The following FRMD3 variants were observed in gnomAD, a reference collection of about 807,000 sequenced individuals.
FRMD3 encodes the protein FERM domain containing 3, also known as FERM domain-containing protein 3.
In FRMD3, 33 loss-of-function variants were observed where a neutral mutation model predicts 70.2. The ratio of observed to expected loss-of-function variants is 0.47; its 90% CI spans 0.36 to 0.63. The LOEUF (loss-of-function observed/expected upper bound fraction) is 0.63. FRMD3 is among the 20% of genes least tolerant of loss of function. The probability of loss-of-function intolerance (pLI) is 0.00; values close to 1 mark genes in which losing one functional copy is unlikely to be tolerated. For synonymous variants in FRMD3, 279 were observed against 255.9 expected, an observed-to-expected ratio of 1.09 and a Z score of -0.86; for missense variants, 632 against 711.4, an observed-to-expected ratio of 0.89 and a Z score of 1.27.
the FRMD3 span, among the ~76,000 whole-genome samples, chr9:83,574,319 G>A: frequency 6.6e-6 from 1 of 152,012 alleles, no homozygotes; most frequent in East Asian, 1.9e-4. Flanking sequence ...ATACAAATGT[G>A]GAGGAAAAAC....
intron 1 of FRMD3, among the ~76,000 whole-genome samples, chr9:83,423,488 C>A (rs185630609): frequency 6.7e-6 from 1 of 150,056 alleles, no homozygotes; most frequent in Non-Finnish European, 1.5e-5. Context: ...CTCCTAGAGT[C>A]TCATATGGTG....
chr9:83,293,778 C>T (rs879533438), intron 12 of FRMD3, among the ~76,000 whole-genome samples: 16 of 152,214 alleles, frequency 1.1e-4, no homozygotes, highest in Admixed American at 2.6e-4. Context: ...GCATATAGGA[C>T]GTGCCTTGTA....
intron 1 of FRMD3, among the ~76,000 whole-genome samples, chr9:83,450,353 T>TG (rs1827613638): frequency 1.4e-5 from 2 of 138,070 alleles, no homozygotes; most frequent in African/African-American, 5.2e-5. Context: ...CTCAGTTTTT[T>TG]TTTTTTTTTT....
chr9:83,424,357 A>G (rs1826740636), intron 1 of FRMD3, among the ~76,000 whole-genome samples: 1 of 152,238 alleles, frequency 6.6e-6, no homozygotes, highest in Non-Finnish European at 1.5e-5. Flanking sequence ...GTGGTTTTCA[A>G]AAATTTCAGG....
rs59365575 is a variant in FRMD3, at chr9:83,422,059, G to C, written c.148-32351C>G. 4.2e-3 allele frequency among the ~76,000 whole-genome samples: 635 copies of C among 151,972 alleles called. 5 individuals carry two copies. The highest frequency in any genetic ancestry group is 7.2e-3 in the Non-Finnish European group (489 of 67,954). On this transcript the variant is annotated intron_variant, in intron 1 of 13. Coordinates refer to ENST00000304195, the MANE Select transcript of FRMD3 (RefSeq NM_174938.6). ...GGCCAACGTGGTGAAACCCCGTCTC[G>C]ACTAAAAATACAAAATTTAGCTGGG...
chr9:83,289,468 A>G (rs912666171), intron 13 of FRMD3, among the ~76,000 whole-genome samples: 3 of 152,186 alleles, frequency 2.0e-5, no homozygotes, highest in Non-Finnish European at 2.9e-5. Flanking sequence ...TTCTCCTTCT[A>G]ACCATCAAAG....
chr9:83,511,873 G>A (rs964114863), intron 1 of FRMD3, among the ~76,000 whole-genome samples: 4 of 152,166 alleles, frequency 2.6e-5, no homozygotes, highest in South Asian at 2.1e-4. Context: ...GTCTGCTCCC[G>A]ACTGTCCAGC....
At chr9:83,296,388 C>A (rs969111795) in intron 12 of FRMD3, among the ~76,000 whole-genome samples, 1 of 152,184 alleles carries the variant, frequency 6.6e-6, no homozygotes, top group Non-Finnish European at 1.5e-5. Flanking sequence ...ATACTCCTAG[C>A]TCATGCATTC....
Position 83,293,704 on chromosome 9 carries a change from C to T in FRMD3, c.1071-2977G>A, listed in dbSNP as rs539360617. Among the ~76,000 whole-genome samples the T allele has an allele frequency of 3.0e-4, 46 of 152,322 alleles. 1 individual carries two copies. In the South Asian group the frequency reaches 9.3e-3, roughly 31 times the overall value. ...TTAGATGGCCAGGAGGATGCCAGCTCGGCCCCTACATTCATAGGCTCCTGT... is the reference window on the plus strand; with the variant it reads ...TTAGATGGCCAGGAGGATGCCAGCTTGGCCCCTACATTCATAGGCTCCTGT... On this transcript the variant is annotated intron_variant, in intron 12 of 13. Coordinates refer to ENST00000304195, the MANE Select transcript of FRMD3 (RefSeq NM_174938.6).
intron 1 of FRMD3, among the ~76,000 whole-genome samples, chr9:83,415,626 T>C (rs1372084073): frequency 6.7e-6 from 1 of 148,748 alleles, no homozygotes; most frequent in Admixed American, 6.7e-5. Context: ...TTTTTTTTTT[T>C]TTTTTTTGGA....
the FRMD3 span, among the ~76,000 whole-genome samples, chr9:83,579,921 T>C: frequency 6.6e-6 from 1 of 152,062 alleles, no homozygotes; most frequent in Non-Finnish European, 1.5e-5. Context: ...AAATAGTGAA[T>C]TTCTCAATAG....
At chr9:83,362,802 T>TCCC (rs1458669711) in intron 3 of FRMD3, among the ~76,000 whole-genome samples, 2 of 101,254 alleles carry the variant, frequency 2.0e-5, no homozygotes, top group African/African-American at 9.7e-5. Context: ...CTTCCTTCCT[T>TCCC]TTTCCTTCCT....
chr9:83,450,246 T>C (rs920539664), intron 1 of FRMD3, among the ~76,000 whole-genome samples: 4 of 151,126 alleles, frequency 2.6e-5, no homozygotes, highest in African/African-American at 9.7e-5. Context: ...CACACACACA[T>C]GCAGTTCCAG....
At chr9:83,568,955 GATACATACATAC>G in the FRMD3 span, among the ~76,000 whole-genome samples, 9,795 of 130,690 alleles carry the variant, frequency 0.075, 409 homozygotes, top group African/African-American at 0.12. Context: ...TAGATAGATA[GATACATACATAC>G]ATACATACAT....
intron 1 of FRMD3, among the ~76,000 whole-genome samples, chr9:83,472,895 C>T (rs1387192473): frequency 2.0e-5 from 3 of 152,142 alleles, no homozygotes; most frequent in South Asian, 4.1e-4. Context: ...AGGCTTTCCT[C>T]ATAGGCAGTC....
At chr9:83,518,676 T>G (rs940289609) in intron 1 of FRMD3, among the ~76,000 whole-genome samples, 1 of 151,588 alleles carries the variant, frequency 6.6e-6, no homozygotes, top group Non-Finnish European at 1.5e-5. Flanking sequence ...AGAGCCTGCA[T>G]AGTTAAGACA....
chr9:83,467,604 T>G, intron 1 of FRMD3: 1 of 1,475,886 alleles, frequency 6.8e-7, no homozygotes, highest in Non-Finnish European at 9.2e-7. Flanking sequence ...ACATTTTAGC[T>G]GACTGACACA....
the FRMD3 span, among the ~76,000 whole-genome samples, chr9:83,556,669 T>C: frequency 2.0e-5 from 3 of 152,164 alleles, no homozygotes; most frequent in Admixed American, 6.5e-5. Flanking sequence ...TAGCCAATTT[T>C]AGATTCTTGT....
chr9:83,346,498 C>T (rs552220379), intron 4 of FRMD3, among the ~76,000 whole-genome samples: 3 of 152,216 alleles, frequency 2.0e-5, no homozygotes, highest in African/African-American at 7.2e-5. Flanking sequence ...ATGGACAAAT[C>T]TATAGAGACA....
Sources: gnomAD v4.1 joint callset for allele counts (sites outside exome capture counted in the v4.1 genomes callset) on GRCh38, gnomAD v4.1.1 for gene constraint, MANE v1.5 for transcripts, NCBI Gene and HGNC (gene_info 2026-07-23, HGNC 2026-07-21) for gene names.